Variants in FAAH2 observed in about 807,000 individuals in gnomAD.
FAAH2 encodes fatty-acid amide hydrolase 2.
Under a neutral mutation model 36.9 loss-of-function variants are expected in FAAH2, and 60 were observed. The ratio of observed to expected loss-of-function variants is 1.63; its 90% CI spans 1.32 to 2.02. FAAH2 has a LOEUF of 2.02. Among genes scored for constraint, FAAH2 ranks in the 30% most tolerant of loss-of-function variants. The pLI is 0.00. For missense variants in FAAH2, 689 were observed against 397.5 expected (o/e 1.73, Z -6.23); for synonymous variants, 214 against 143.8 (o/e 1.49, Z -3.49).
intron 2 of FAAH2, among the ~76,000 whole-genome samples, chrX:57,307,939 T>A (rs1200445240): frequency 9.2e-6 from 1 of 108,823 alleles, no homozygotes; most frequent in East Asian, 2.9e-4. Flanking sequence ...AATAATGACC[T>A]CTGGGTGCAT....
chrX:57,295,363 C>A (rs1425437061), intron 2 of FAAH2, among the ~76,000 whole-genome samples: 1 of 112,210 alleles, frequency 8.9e-6, no homozygotes, highest in Non-Finnish European at 1.9e-5. Context: ...CACCTCTTTT[C>A]TTTCCTCCTA....
the FAAH2 span, among the ~76,000 whole-genome samples, chrX:57,221,729 C>CTT: frequency 4.5e-5 from 5 of 110,606 alleles, no homozygotes; most frequent in African/African-American, 1.7e-4. Flanking sequence ...CTAAAGGATG[C>CTT]TTTTTTTTCA....
At chrX:57,275,977 G>T in the FAAH2 span, among the ~76,000 whole-genome samples, 2 of 111,375 alleles carry the variant, frequency 1.8e-5, no homozygotes, top group Admixed American at 1.9e-4. Context: ...AATAATGGGA[G>T]ACTTTAACAC....
intron 7 of FAAH2, among the ~76,000 whole-genome samples, chrX:57,430,817 G>T (rs2056277371): frequency 9.0e-6 from 1 of 111,728 alleles, no homozygotes; most frequent in Non-Finnish European, 1.9e-5. Flanking sequence ...AGAGAAAAGT[G>T]ATCTTCAAAG....
the FAAH2 span, among the ~76,000 whole-genome samples, chrX:57,174,059 TC>T: frequency 2.7e-5 from 3 of 111,270 alleles, no homozygotes; most frequent in Non-Finnish European, 3.8e-5. Context: ...GGCTTTGGTA[TC>T]AGGGTAATAA....
the FAAH2 span, among the ~76,000 whole-genome samples, chrX:57,205,304 G>A: frequency 8.9e-6 from 1 of 112,526 alleles, no homozygotes; most frequent in Non-Finnish European, 1.9e-5. Context: ...TTGTGAAAAT[G>A]TCTAGCGTTA....
At chrX:57,409,724 C>T (rs1209309236) in intron 7 of FAAH2, among the ~76,000 whole-genome samples, 1 of 110,509 alleles carries the variant, frequency 9.0e-6, no homozygotes, top group East Asian at 2.8e-4. Flanking sequence ...CAATTTTTTA[C>T]TTCTATGTTT....
rs189209890 is a variant in FAAH2 at position 57,457,134 on chromosome X, G to T, written c.1423+8416G>T. Among the ~76,000 whole-genome samples the T allele has an allele frequency of 5.4e-5, 6 of 111,741 alleles. No individual in the cohort carries two copies. The South Asian group carries it at 2.2e-3, about 42-fold the overall frequency. On this transcript the variant is annotated intron_variant, in intron 10 of 10. Transcript: ENST00000374900. ...GCAAGTTTTATTTCTGGGATGCAAG[G>T]TTGATTCACCATACAGAAATCAATA...
intron 7 of FAAH2, among the ~76,000 whole-genome samples, chrX:57,395,632 G>C (rs2055276189): frequency 9.0e-6 from 1 of 111,691 alleles, no homozygotes; most frequent in Non-Finnish European, 1.9e-5. Context: ...TGATCATGTA[G>C]TGTTTGTTTT....
At chrX:57,233,593 A>G in the FAAH2 span, among the ~76,000 whole-genome samples, 5 of 111,359 alleles carry the variant, frequency 4.5e-5, no homozygotes, top group Non-Finnish European at 9.4e-5. Flanking sequence ...ATAACATTGG[A>G]TGGAGTCCTT....
chrX:57,475,930 T>TA (rs1373706284), intron 10 of FAAH2, among the ~76,000 whole-genome samples: 1 of 111,377 alleles, frequency 9.0e-6, no homozygotes, highest in East Asian at 2.8e-4. Flanking sequence ...GTTGTATTCC[T>TA]AGGTATTTTA....
chrX:57,289,941 G>T (rs760901599), intron 1 of FAAH2, among the ~76,000 whole-genome samples: 52 of 110,753 alleles, frequency 4.7e-4, no homozygotes, highest in African/African-American at 1.7e-3. Context: ...TTCTAACGAT[G>T]TACCTAGTCT....
intron 10 of FAAH2, among the ~76,000 whole-genome samples, chrX:57,481,158 T>G (rs1256017912): frequency 9.0e-6 from 1 of 110,804 alleles, no homozygotes. Context: ...TTATCAAGGT[T>G]TTTAGGTTCC....
At chrX:57,328,098 G>T (rs1383518905) in intron 3 of FAAH2, among the ~76,000 whole-genome samples, 1 of 112,181 alleles carries the variant, frequency 8.9e-6, no homozygotes, top group Non-Finnish European at 1.9e-5. Flanking sequence ...GTTTGCTGGA[G>T]GTCCCCTGCA....
At chrX:57,153,689 G>T in the FAAH2 span, among the ~76,000 whole-genome samples, 8 of 112,268 alleles carry the variant, frequency 7.1e-5, no homozygotes, top group African/African-American at 2.6e-4. Flanking sequence ...TGAAGATAGG[G>T]CCCCAATTCC....
the FAAH2 span, among the ~76,000 whole-genome samples, chrX:57,175,553 A>G: frequency 8.9e-6 from 1 of 111,856 alleles, no homozygotes; most frequent in Non-Finnish European, 1.9e-5. Context: ...TGGAGCATTT[A>G]GATGATTTAC....
intron 10 of FAAH2, among the ~76,000 whole-genome samples, chrX:57,461,925 G>A (rs1467755398): frequency 9.1e-6 from 1 of 110,462 alleles, no homozygotes; most frequent in Non-Finnish European, 1.9e-5. Context: ...GAAGAAAAGA[G>A]AGAAGAATCA....
At chrX:57,133,470 C>G in the FAAH2 span, among the ~76,000 whole-genome samples, 2 of 111,395 alleles carry the variant, frequency 1.8e-5, no homozygotes, top group African/African-American at 6.6e-5. Flanking sequence ...ATGACTGTGC[C>G]TTTTATTAGA....
At chrX:57,340,032 G>A (rs755621262) in intron 4 of FAAH2, among the ~76,000 whole-genome samples, 82 of 111,617 alleles carry the variant, frequency 7.3e-4, no homozygotes, top group African/African-American at 2.6e-3. Flanking sequence ...AAGCTGAGGA[G>A]CAAGGAAGCC....
Sources: gnomAD v4.1 joint callset for allele counts (sites outside exome capture counted in the v4.1 genomes callset) on GRCh38, gnomAD v4.1.1 for gene constraint, MANE v1.5 for transcripts, NCBI Gene and HGNC (gene_info 2026-07-23, HGNC 2026-07-21) for gene names.